RTEL1: variants seen among roughly 807,000 people sequenced by gnomAD.
The protein encoded by RTEL1 is regulator of telomere length.
In RTEL1, 86 loss-of-function variants were observed where a neutral mutation model predicts 162.2. That is an observed-to-expected ratio of 0.53 (90% confidence interval 0.45 to 0.63). RTEL1 has a LOEUF of 0.63. Ranked by LOEUF, RTEL1 falls within the 30% of genes least tolerant of loss-of-function variation. The pLI is 0.00. For synonymous variants in RTEL1, 958 were observed against 717.9 expected, an observed-to-expected ratio of 1.33 and a Z score of -5.35; for missense variants, 1,941 against 1,750.2, an observed-to-expected ratio of 1.11 and a Z score of -1.95.
At chr20:63,691,997 G>C (rs921902809) in intron 28 of RTEL1, 160 bp downstream of exon 28, 2 of 590,480 alleles carry the variant, frequency 3.4e-6, no homozygotes, top group Non-Finnish European at 6.0e-6. Context: ...AGGGGCTCAA[G>C]TGTGTGGTTT....
chr20:63,692,747 C>T, intron 28 of RTEL1, 58 bp from the exon 29 acceptor site: 1 of 1,520,404 alleles, frequency 6.6e-7, no homozygotes, highest in Non-Finnish European at 9.1e-7. Context: ...GGCTCTGCAG[C>T]CCCAGGGACC....
At chr20:63,690,490 C>A (rs370189248) in intron 26 of RTEL1, 49 bp downstream of exon 26, 17 of 534,812 alleles carry the variant, frequency 3.2e-5, no homozygotes, top group South Asian at 1.8e-4. Context: ...GCGGAGCGGG[C>A]GGCGTGGGGC....
intron 12 of RTEL1, 80 bp from the exon 13 acceptor site, chr20:63,679,768 GC>G: frequency 9.2e-7 from 1 of 1,081,514 alleles, no homozygotes; most frequent in Non-Finnish European, 1.4e-6. Context: ...TCAGGCCCGA[GC>G]CTGCCTTCTT....
intron 10 of RTEL1, among the ~76,000 whole-genome samples, chr20:63,676,605 A>G (rs1354129688): frequency 6.6e-6 from 1 of 152,142 alleles, no homozygotes; most frequent in Non-Finnish European, 1.5e-5. Context: ...CATATCAGCT[A>G]TGTGGTGATC....
At chr20:63,667,110 A>T (rs1031996127) in intron 7 of RTEL1, among the ~76,000 whole-genome samples, 4 of 152,258 alleles carry the variant, frequency 2.6e-5, no homozygotes, top group African/African-American at 9.6e-5. Context: ...AAGTGCTGGG[A>T]TTACAGGAGT....
At chr20:63,662,760 G>A (rs2090046507) in intron 5 of RTEL1, 69 bp from the exon 6 acceptor site, 18 of 1,597,246 alleles carry the variant, frequency 1.1e-5, no homozygotes, top group Non-Finnish European at 1.5e-5. Context: ...GGACCTGGTG[G>A]GGGTGGGGAC....
rs375256851 is a variant in RTEL1, at chr20:63,679,885, G to A, written c.1074G>A (p.Thr358=). Residue 358 remains threonine (T), a synonymous_variant, in exon 13 of 35, where the codon ACG becomes ACA. Transcript: ENST00000360203. ...IFELFAEAQI[T]FQTKGCILDS... is the part of the protein sequence containing the mutation. Reference sequence around the variant, plus strand: ...AGCTGTTTGCTGAAGCCCAGATCACGTTTCAGACCAAGGGCTGCATCCTGG... The same window carrying A: ...AGCTGTTTGCTGAAGCCCAGATCACATTTCAGACCAAGGGCTGCATCCTGG... The A allele has an allele frequency of 3.5e-5, 56 of 1,612,024 alleles. No individual in the cohort carries two copies. In the South Asian group the frequency reaches 5.5e-4, roughly 16 times the overall value.
intron 30 of RTEL1, 117 bp from the exon 31 acceptor site, chr20:63,694,255 T>A (rs2090906698): frequency 1.1e-6 from 1 of 878,774 alleles, no homozygotes; most frequent in African/African-American, 1.6e-5. Context: ...GCCTGGGTTT[T>A]CCCGCCCTGG....
chr20:63,664,192 C>T (rs564879241), intron 6 of RTEL1, among the ~76,000 whole-genome samples: 4 of 152,244 alleles, frequency 2.6e-5, no homozygotes, highest in South Asian at 4.1e-4. Context: ...GCCTGCAGGA[C>T]GTGACTCTGG....
In RTEL1 at chr20:63,687,726, C is replaced by T. The variant is rs140055045; in HGVS notation, c.1437C>T (p.Ser479=). The change falls in exon 17 of 35, where the codon AGC becomes AGT. Residue 479 remains serine (S), a synonymous_variant. Transcript: ENST00000360203. ...GCGTCCGCTCCCTCATCCTTACCAG[C>T]GGCACGCTGGCCCCGGTGTCCTCCT... ...RQGVRSLILT[S]GTLAPVSSFA... is the part of the protein sequence containing the mutation. The T allele has an allele frequency of 1.1e-4, 183 of 1,596,218 alleles. No homozygotes were observed. The highest frequency in any genetic ancestry group is 1.4e-4 in the Non-Finnish European group (168 of 1,173,104).
At chr20:63,687,538 G>A (rs1243466458) in intron 16 of RTEL1, 100 bp from the exon 17 acceptor site, 2 of 1,339,092 alleles carry the variant, frequency 1.5e-6, no homozygotes, top group African/African-American at 2.9e-5. Context: ...TCGCTTGCTT[G>A]ATGCCAGTGG....
At chr20:63,670,969 C>G (rs935195368) in intron 8 of RTEL1, among the ~76,000 whole-genome samples, 5 of 152,274 alleles carry the variant, frequency 3.3e-5, no homozygotes, top group African/African-American at 1.2e-4. Flanking sequence ...CAGCCACGGG[C>G]GTGGACTGTG....
chr20:63,677,336 G>T (rs1214881617), intron 10 of RTEL1, among the ~76,000 whole-genome samples: 1 of 152,184 alleles, frequency 6.6e-6, no homozygotes, highest in Non-Finnish European at 1.5e-5. Context: ...CAAACACCCG[G>T]CCAGGCATAA....
At position 63,662,640 on chromosome 20, in the gene RTEL1, G is replaced by A. The variant is rs764646296; in HGVS notation, c.477+13G>A. On this transcript the variant is annotated intron_variant, in intron 5 of 34. Transcript: ENST00000360203. ...TAACCATCTACAGGTAGGCTCCTGG[G>A]CTCCCGCTCCGGCTCAGTGTCCGAC... 6.2e-7 allele frequency: 1 copy of A among 1,613,384 alleles called. No homozygotes were observed. Among genetic ancestry groups the A allele is most frequent in the South Asian group, 1.1e-5 (1 of 91,020 alleles).
At chr20:63,692,741 C>CCG in intron 28 of RTEL1, 64 bp from the exon 29 acceptor site, 1 of 1,499,282 alleles carries the variant, frequency 6.7e-7, no homozygotes, top group Non-Finnish European at 9.2e-7. Flanking sequence ...AAGGAAGGCT[C>CCG]TGCAGCCCCA....
chr20:63,658,453 G>A lies in RTEL1; in HGVS notation c.-184G>A, dbSNP rs1364162347. The A allele has an allele frequency of 3.3e-5, 5 of 152,450 alleles. No homozygotes were observed. Among genetic ancestry groups the A allele is most frequent in the Non-Finnish European group, 7.3e-5 (5 of 68,086 alleles). The allele number at this position is 152,450 out of a possible 1,614,324, so 9.4% of individuals were successfully genotyped here. A position where few individuals can be genotyped will look rare whatever the true frequency, so the allele number is the denominator to read the frequency against. On this transcript the variant is annotated 5_prime_UTR_variant, in exon 1 of 35. Transcript: ENST00000360203. Reference sequence around the variant, plus strand: ...CCCCGGTTCTGGAAGGTTCGCCGCGGAGACAAGTGAGCAGTGAGTCGCAGT... The same window carrying A: ...CCCCGGTTCTGGAAGGTTCGCCGCGAAGACAAGTGAGCAGTGAGTCGCAGT...
chr20:63,691,562 G>A (rs556132613), intron 27 of RTEL1, among the ~76,000 whole-genome samples, 180 bp from the exon 28 acceptor site: 2 of 152,262 alleles, frequency 1.3e-5, no homozygotes, highest in South Asian at 4.1e-4. Context: ...TGAGCCGCTG[G>A]TGTGACTTGG....
At chr20:63,672,462 T>C (rs1465440963) in intron 8 of RTEL1, 94 bp from the exon 9 acceptor site, 2 of 1,035,756 alleles carry the variant, frequency 1.9e-6, no homozygotes, top group Admixed American at 2.0e-5. Context: ...TCATCTGCGC[T>C]TGTGATGTTC....
At chr20:63,676,711 G>A (rs986722680) in intron 10 of RTEL1, among the ~76,000 whole-genome samples, 8 of 152,162 alleles carry the variant, frequency 5.3e-5, no homozygotes, top group Non-Finnish European at 1.2e-4. Context: ...CCAGGCAGGC[G>A]GATCACGAGG....
Sources: allele counts gnomAD v4.1 joint callset (sites outside exome capture counted in the v4.1 genomes callset), GRCh38; gene constraint gnomAD v4.1.1; transcripts MANE v1.5; gene names NCBI Gene and HGNC (gene_info 2026-07-23, HGNC 2026-07-21).